Variants in TNKS observed in about 807,000 individuals in gnomAD.
TNKS encodes tankyrase.
TNKS carries 72 observed loss-of-function variants against 135.8 expected under a neutral mutation model. The ratio of observed to expected loss-of-function variants is 0.53; its 90% CI spans 0.44 to 0.64. TNKS has a LOEUF of 0.64. Ranked by LOEUF, TNKS falls within the 30% of genes least tolerant of loss-of-function variation. TNKS has a pLI of 0.00. For synonymous variants in TNKS, 849 were observed against 649.3 expected (o/e 1.31, Z -4.68); for missense variants, 1,769 against 1,674.0 (o/e 1.06, Z -0.99).
rs576493134 is a variant in TNKS at position 9,705,527 on chromosome 8, A to G, written c.1203-660A>G. ...GTCAAGAAACATAAAAATGAACTCA[A>G]TGCTTGAGACACTTACCAGAAGAAT... On this transcript the variant is annotated intron_variant, in intron 6 of 26. Coordinates refer to ENST00000310430, the MANE Select transcript of TNKS (RefSeq NM_003747.3). Among the ~76,000 whole-genome samples, 19 of 152,202 alleles carry G rather than the reference A, an allele frequency of 1.2e-4. 1 individual carries two copies. In the South Asian group the frequency reaches 3.7e-3, roughly 30 times the overall value.
intron 2 of TNKS, among the ~76,000 whole-genome samples, chr8:9,598,527 C>T (rs1368633957): frequency 1.3e-5 from 2 of 151,428 alleles, no homozygotes; most frequent in Non-Finnish European, 2.9e-5. Flanking sequence ...GAAACTCCAT[C>T]TTTACTAAAA....
At chr8:9,690,532 G>C (rs1803216135) in intron 5 of TNKS, among the ~76,000 whole-genome samples, 1 of 152,098 alleles carries the variant, frequency 6.6e-6, no homozygotes, top group African/African-American at 2.4e-5. Context: ...GACCGAGGCG[G>C]GTGGATCATT....
At chr8:9,571,331 G>C (rs1193936746) in intron 1 of TNKS, among the ~76,000 whole-genome samples, 2 of 152,112 alleles carry the variant, frequency 1.3e-5, no homozygotes, top group East Asian at 3.8e-4. Flanking sequence ...TGTCGCTTTG[G>C]TAATCGTCTT....
At chr8:9,606,154 G>GTT (rs71201957) in intron 2 of TNKS, among the ~76,000 whole-genome samples, 3,094 of 109,332 alleles carry the variant, frequency 0.028, 383 homozygotes, top group African/African-American at 0.087. Flanking sequence ...GTTATTTTGT[G>GTT]TTTTTTTTTT....
At chr8:9,671,396 A>G (rs1290476221) in intron 3 of TNKS, among the ~76,000 whole-genome samples, 1 of 152,228 alleles carries the variant, frequency 6.6e-6, no homozygotes, top group Admixed American at 6.5e-5. Flanking sequence ...ATTGAGATAC[A>G]TCCATATAAT....
At chr8:9,584,571 G>C (rs1273607299) in intron 2 of TNKS, among the ~76,000 whole-genome samples, 2 of 152,106 alleles carry the variant, frequency 1.3e-5, no homozygotes, top group Non-Finnish European at 2.9e-5. Flanking sequence ...CTACTCTCCT[G>C]TCATTTCAGT....
intron 1 of TNKS, chr8:9,558,120 C>G (rs1797159599): frequency 6.6e-6 from 1 of 152,142 alleles, no homozygotes; most frequent in African/African-American, 2.4e-5. Context: ...GCAACTGAAT[C>G]AAAAGTTTCT....
At chr8:9,731,387 G>A (rs574856890) in intron 14 of TNKS, among the ~76,000 whole-genome samples, 2 of 150,640 alleles carry the variant, frequency 1.3e-5, no homozygotes, top group African/African-American at 4.9e-5. Flanking sequence ...TTGAACCCGG[G>A]AGGTGGAGGT....
chr8:9,710,399 A>C, intron 11 of TNKS, 179 bp downstream of exon 11: 1 of 630,128 alleles, frequency 1.6e-6, no homozygotes, highest in South Asian at 2.0e-5. Flanking sequence ...TAATAAAAAT[A>C]ATTACCCGTG....
chr8:9,660,301 C>A (rs1292944358), intron 3 of TNKS, among the ~76,000 whole-genome samples: 3 of 152,176 alleles, frequency 2.0e-5, no homozygotes, highest in Non-Finnish European at 4.4e-5. Context: ...GAATTTTAGA[C>A]CAATATCCTT....
intron 2 of TNKS, among the ~76,000 whole-genome samples, chr8:9,588,214 G>A (rs1221244844): frequency 6.6e-6 from 1 of 151,998 alleles, no homozygotes; most frequent in Non-Finnish European, 1.5e-5. Context: ...CATTTTCTTT[G>A]TAATCTTTGT....
rs1399922732 is a variant in TNKS, at chr8:9,672,711, C to CACAAAA, written c.995-7239_995-7238insCAAAAA. On this transcript the variant is annotated intron_variant, in intron 3 of 26. Coordinates refer to ENST00000310430, the MANE Select transcript of TNKS (RefSeq NM_003747.3). ...ACACACACACACACACACACACACA[C>CACAAAA]AAAAAAAAAAAAACAAACTAATATC... is the stretch of plus-strand genomic sequence containing the variant. 1.2e-3 allele frequency among the ~76,000 whole-genome samples: 106 copies of CACAAAA among 85,226 alleles called. 1 individual carries two copies. Among genetic ancestry groups the CACAAAA allele is most frequent in the South Asian group, 2.3e-3 (5 of 2,198 alleles). The allele number at this position is 85,226 out of a possible 152,430, so 55.9% of individuals were successfully genotyped here.
intron 3 of TNKS, among the ~76,000 whole-genome samples, chr8:9,640,247 GGA>G (rs200959185): frequency 0.011 from 1,668 of 152,296 alleles, 12 homozygotes; most frequent in African/African-American, 0.023. Context: ...CCAATATCAA[GGA>G]GCCAGCATCT....
chr8:9,753,164 A>G (rs769797024), intron 20 of TNKS, among the ~76,000 whole-genome samples: 5 of 152,158 alleles, frequency 3.3e-5, no homozygotes, highest in Non-Finnish European at 7.4e-5. Context: ...GCATTTTATT[A>G]CATGTCAAAA....
At position 9,772,809 on chromosome 8, in the gene TNKS, TTG is replaced by T. The variant is rs368113364; in HGVS notation, c.3897+2567_3897+2568del. Among the ~76,000 whole-genome samples, 609 of 86,658 alleles carry T rather than the reference TTG, an allele frequency of 7.0e-3. 3 individuals carry two copies. Among genetic ancestry groups the T allele is most frequent in the African/African-American group, 0.022 (536 of 23,908 alleles). The allele number at this position is 86,658 out of a possible 152,430, so 56.9% of individuals were successfully genotyped here. On this transcript the variant is annotated intron_variant, in intron 26 of 26. Coordinates refer to ENST00000310430, the MANE Select transcript of TNKS (RefSeq NM_003747.3). ...TTGGGGAGAATGTGTGTGTGTGTGTTTGTGTGTGTGTGTGTGTGTGTCTGTGT... is the reference window on the plus strand; with the variant it reads ...TTGGGGAGAATGTGTGTGTGTGTGTTTGTGTGTGTGTGTGTGTGTCTGTGT...
intron 3 of TNKS, among the ~76,000 whole-genome samples, chr8:9,616,699 C>T (rs13276750): frequency 0.71 from 108,112 of 152,048 alleles, 38,741 homozygotes; most frequent in Middle Eastern, 0.8. Flanking sequence ...GTGCTAAAAT[C>T]AATATAATTA....
intron 17 of TNKS, among the ~76,000 whole-genome samples, chr8:9,735,751 G>C (rs1440239631): frequency 6.6e-6 from 1 of 152,026 alleles, no homozygotes; most frequent in Non-Finnish European, 1.5e-5. Context: ...AGTGAGCCCA[G>C]ATCGCGCCAC....
intron 2 of TNKS, among the ~76,000 whole-genome samples, chr8:9,612,498 C>T (rs1468837528): frequency 2.0e-5 from 3 of 152,136 alleles, no homozygotes; most frequent in Non-Finnish European, 4.4e-5. Flanking sequence ...AGGCCAAACC[C>T]AGCCTATCTC....
chr8:9,565,725 C>G (rs550664720), intron 1 of TNKS, among the ~76,000 whole-genome samples: 18 of 151,990 alleles, frequency 1.2e-4, no homozygotes, highest in Non-Finnish European at 2.5e-4. Context: ...GGCGTGGTGG[C>G]GGGCGCCTGT....
Sources: allele counts gnomAD v4.1 joint callset (sites outside exome capture counted in the v4.1 genomes callset), GRCh38; gene constraint gnomAD v4.1.1; transcripts MANE v1.5; gene names NCBI Gene and HGNC (gene_info 2026-07-23, HGNC 2026-07-21).